Variants in ALK observed in about 807,000 individuals in gnomAD.
ALK encodes the protein ALK tyrosine kinase receptor.
A neutral mutation model predicts 163.1 loss-of-function variants in ALK; 74 were observed. The observed-to-expected ratio is 0.45, with a 90% CI of 0.38 to 0.55. The LOEUF (loss-of-function observed/expected upper bound fraction) is 0.55. ALK is among the 20% of genes least tolerant of loss of function. The pLI, the probability that ALK is intolerant of heterozygous loss-of-function variation, is 0.00. For synonymous variants in ALK, 960 were observed against 843.2 expected, an observed-to-expected ratio of 1.14 and a Z score of -2.40; for missense variants, 2,063 against 2,105.3, an observed-to-expected ratio of 0.98 and a Z score of 0.39.
Position 29,255,648 on chromosome 2 carries a change from C to T in ALK, c.2042-4381G>A, listed in dbSNP as rs1368943211. 4.6e-5 allele frequency among the ~76,000 whole-genome samples: 7 copies of T among 151,972 alleles called. No homozygotes were observed. In the South Asian group the frequency reaches 8.3e-4, roughly 18 times the overall value. ...AAGGGTCCTTTGGGGGTGATTAAAC[C>T]GTTCCCAGATTTCTGCCTTGAAGAC... On this transcript the variant is annotated intron_variant, in intron 11 of 28. Coordinates refer to ENST00000389048, the MANE Select transcript of ALK (RefSeq NM_004304.5).
At chr2:29,452,199 C>T (rs186199816) in intron 4 of ALK, among the ~76,000 whole-genome samples, 1 of 152,324 alleles carries the variant, frequency 6.6e-6, no homozygotes, top group Admixed American at 6.5e-5. Flanking sequence ...TGGCCCCTTA[C>T]TCCCTGCACT....
rs1572449851 is a variant in ALK at position 29,865,364 on chromosome 2, G to A, written c.667+54629C>T. Among the ~76,000 whole-genome samples the A allele has an allele frequency of 2.0e-5, 3 of 152,208 alleles. No homozygotes were observed. The South Asian group carries it at 6.2e-4, about 32-fold the overall frequency. ...ACAGGCAAGGAGCTGGGTCCCCAGAGCACACTGAAGCCTGAGCCTGAGGAG... is the reference window on the plus strand; with the variant it reads ...ACAGGCAAGGAGCTGGGTCCCCAGAACACACTGAAGCCTGAGCCTGAGGAG... On this transcript the variant is annotated intron_variant, in intron 1 of 28. Transcript: ENST00000389048.
chr2:29,427,031 C>A lies in ALK; in HGVS notation c.1155-43172G>T, dbSNP rs537221712. 3.5e-5 allele frequency among the ~76,000 whole-genome samples: 3 copies of A among 86,818 alleles called. No homozygotes were observed. The Admixed American group carries it at 4.9e-4, about 14-fold the overall frequency. The allele number at this position is 86,818 out of a possible 152,430, so 57.0% of individuals were successfully genotyped here. ...TCCAGCCTGGCAAAAGAGCAAGACT[C>A]CGTCTCAAAAAAAAAAAAAAAAAAA... On this transcript the variant is annotated intron_variant, in intron 4 of 28. Coordinates refer to ENST00000389048, the MANE Select transcript of ALK (RefSeq NM_004304.5).
intron 1 of ALK, among the ~76,000 whole-genome samples, chr2:29,799,604 G>A (rs1203911967): frequency 6.6e-6 from 1 of 152,186 alleles, no homozygotes; most frequent in Non-Finnish European, 1.5e-5. Flanking sequence ...AGCATCACTT[G>A]AGCCAGGAGT....
At chr2:29,332,285 CAAAAAAAAAAAAAAAAAAAAAAAA>C (rs57598066) in intron 5 of ALK, among the ~76,000 whole-genome samples, 12 of 18,330 alleles carry the variant, frequency 6.5e-4, no homozygotes, top group African/African-American at 1.4e-3. Context: ...GACTCCATCT[CAAAAAAAAAAAAAAAAAAAAAAAA>C]AAAAAAAAAA....
chr2:29,283,672 T>A (rs1370810776), intron 9 of ALK, among the ~76,000 whole-genome samples: 1 of 152,158 alleles, frequency 6.6e-6, no homozygotes, highest in Non-Finnish European at 1.5e-5. Context: ...CCTGGGCAAG[T>A]TGCCAAAACT....
intron 1 of ALK, among the ~76,000 whole-genome samples, chr2:29,819,621 TG>T (rs1664991554): frequency 6.6e-6 from 1 of 152,250 alleles, no homozygotes; most frequent in Non-Finnish European, 1.5e-5. Context: ...CTTAGCAAAT[TG>T]ATCTTACCAA....
intron 1 of ALK, among the ~76,000 whole-genome samples, chr2:29,875,833 A>G (rs893233887): frequency 6.6e-6 from 1 of 152,106 alleles, no homozygotes; most frequent in African/African-American, 2.4e-5. Flanking sequence ...TCTATCATTG[A>G]TGGGCATTTT....
At chr2:29,281,666 G>T (rs965556267) in intron 9 of ALK, among the ~76,000 whole-genome samples, 1 of 152,112 alleles carries the variant, frequency 6.6e-6, no homozygotes, top group Non-Finnish European at 1.5e-5. Flanking sequence ...GAATGCATTC[G>T]CCCTGACTCT....
intron 1 of ALK, among the ~76,000 whole-genome samples, chr2:29,801,564 CA>C (rs1211730477): frequency 1.3e-5 from 2 of 152,220 alleles, no homozygotes; most frequent in Non-Finnish European, 2.9e-5. Context: ...GGATGCCACA[CA>C]ACCACTTTAG....
At chr2:29,231,843 C>T (rs192755871) in intron 15 of ALK, among the ~76,000 whole-genome samples, 45 of 152,254 alleles carry the variant, frequency 3.0e-4, no homozygotes, top group East Asian at 1.5e-3. Context: ...AGAGCTCAGC[C>T]GTGGAGAGTC....
chr2:29,791,020 T>C (rs774156056), intron 1 of ALK, among the ~76,000 whole-genome samples: 30 of 152,322 alleles, frequency 2.0e-4, no homozygotes, highest in Admixed American at 6.5e-4. Context: ...CTGTGACCTC[T>C]TGGCAAGTCT....
At chr2:29,393,583 G>A (rs1211297650) in intron 4 of ALK, among the ~76,000 whole-genome samples, 2 of 152,142 alleles carry the variant, frequency 1.3e-5, no homozygotes, top group East Asian at 3.8e-4. Flanking sequence ...CTTCTGCAAT[G>A]GCTCACTCTT....
intron 5 of ALK, among the ~76,000 whole-genome samples, chr2:29,369,557 G>A (rs1481443909): frequency 6.6e-6 from 1 of 152,200 alleles, no homozygotes; most frequent in African/African-American, 2.4e-5. Context: ...TGTGCCTGGA[G>A]CAAGAGCACA....
chr2:29,591,460 G>C (rs1035923630), intron 3 of ALK, among the ~76,000 whole-genome samples: 1 of 152,168 alleles, frequency 6.6e-6, no homozygotes, highest in East Asian at 1.9e-4. Context: ...GTAGGCAAGT[G>C]GGCATGGCCA....
intron 1 of ALK, 23 bp downstream of exon 1, chr2:29,919,970 A>G (rs747164983): frequency 6.2e-7 from 1 of 1,610,484 alleles, no homozygotes; most frequent in Admixed American, 1.7e-5. Context: ...AAATCCCGGC[A>G]CACTCAGGCG....
At chr2:29,553,331 C>T (rs892093843) in intron 3 of ALK, among the ~76,000 whole-genome samples, 3 of 152,212 alleles carry the variant, frequency 2.0e-5, no homozygotes, top group Non-Finnish European at 1.5e-5. Context: ...TCACCAGACA[C>T]TAACGGTCTC....
chr2:29,768,546 T>C (rs960175292), intron 1 of ALK, among the ~76,000 whole-genome samples: 9 of 152,222 alleles, frequency 5.9e-5, no homozygotes, highest in African/African-American at 2.2e-4. Context: ...CAAAGTTCCA[T>C]TATATTGGTA....
intron 25 of ALK, among the ~76,000 whole-genome samples, chr2:29,207,649 A>G (rs910338978): frequency 6.6e-6 from 1 of 152,242 alleles, no homozygotes; most frequent in African/African-American, 2.4e-5. Context: ...GCAAGATCCA[A>G]AATGGGAGAA....
Sources: gnomAD v4.1 joint callset for allele counts (sites outside exome capture counted in the v4.1 genomes callset) on GRCh38, gnomAD v4.1.1 for gene constraint, MANE v1.5 for transcripts, NCBI Gene and HGNC (gene_info 2026-07-23, HGNC 2026-07-21) for gene names.